Variants in ZNF678 observed in about 807,000 individuals in gnomAD.
ZNF678 encodes the protein hypothetical protein MGC42493.
ZNF678 carries 5 observed loss-of-function variants against 3.0 expected under a neutral mutation model. The ratio of observed to expected loss-of-function variants is 1.69; its 90% CI spans 0.88 to 3.56. ZNF678 has a LOEUF of 3.56. Ranked by LOEUF, ZNF678 falls within the 30% of genes most tolerant of loss-of-function variation. The probability of loss-of-function intolerance (pLI) is 0.00; values close to 1 mark genes in which losing one functional copy is unlikely to be tolerated. For synonymous variants in ZNF678, 218 were observed against 199.6 expected (o/e 1.09, Z -0.78); for missense variants, 593 against 605.0 (o/e 0.98, Z 0.21).
At chr1:227,632,329 C>G (rs1430627642) in intron 1 of ZNF678, among the ~76,000 whole-genome samples, 1 of 151,952 alleles carries the variant, frequency 6.6e-6, no homozygotes, top group Non-Finnish European at 1.5e-5. Context: ...AGGCAGGGGT[C>G]GGAGGAAGTA....
At chr1:227,672,107 A>C (rs780123788) in intron 5 of ZNF678, among the ~76,000 whole-genome samples, 1 of 152,214 alleles carries the variant, frequency 6.6e-6, no homozygotes, top group African/African-American at 2.4e-5. Flanking sequence ...GACATTGGAA[A>C]GGTAGATTGA....
intron 1 of ZNF678, among the ~76,000 whole-genome samples, chr1:227,609,142 A>G (rs866076406): frequency 6.6e-6 from 1 of 152,216 alleles, no homozygotes; most frequent in South Asian, 2.1e-4. Context: ...AACAAACTTT[A>G]TAAGCCATAC....
At chr1:227,568,047 G>T (rs560726551) in intron 1 of ZNF678, among the ~76,000 whole-genome samples, 6 of 152,308 alleles carry the variant, frequency 3.9e-5, no homozygotes, top group African/African-American at 1.4e-4. Context: ...AGGTCAGCCT[G>T]TGTTTAGGAG....
intron 2 of ZNF678, among the ~76,000 whole-genome samples, chr1:227,647,925 C>G (rs1395734487): frequency 6.6e-6 from 1 of 152,070 alleles, no homozygotes; most frequent in Non-Finnish European, 1.5e-5. Context: ...TTCAGAAATC[C>G]CAGGAACACC....
At chr1:227,639,332 ACT>A (rs1274113210) in intron 1 of ZNF678, among the ~76,000 whole-genome samples, 1 of 151,618 alleles carries the variant, frequency 6.6e-6, no homozygotes, top group African/African-American at 2.4e-5. Flanking sequence ...AGCATTTGAA[ACT>A]CTGCCTGTTT....
At chr1:227,650,515 T>A (rs1033895952) in intron 2 of ZNF678, among the ~76,000 whole-genome samples, 1 of 152,188 alleles carries the variant, frequency 6.6e-6, no homozygotes, top group African/African-American at 2.4e-5. Flanking sequence ...TCCATTATTT[T>A]AAAAATGGCC....
chr1:227,598,381 A>T (rs575840610), intron 1 of ZNF678: 2 of 1,405,574 alleles, frequency 1.4e-6, no homozygotes, highest in South Asian at 3.0e-5. Flanking sequence ...ATTTCCTCAG[A>T]CATTGCACTT....
In ZNF678 at chr1:227,656,831, T is replaced by C. The variant is rs1234949234; in HGVS notation, c.*1003T>C. ...TTTCATAAAACAAAATTATTTTTAA[T>C]GTGTTAAGAATATTTTGCATTGAAT... On this transcript the variant is annotated 3_prime_UTR_variant, in exon 4 of 4. Transcript: ENST00000343776. 1 of 152,014 alleles carries C rather than the reference T, an allele frequency of 6.6e-6. No homozygotes were observed. The highest frequency in any genetic ancestry group is 2.4e-5 in the African/African-American group (1 of 41,424). The allele number at this position is 152,014 out of a possible 1,614,324, so 9.4% of individuals were successfully genotyped here. A position where few individuals can be genotyped will look rare whatever the true frequency, so the allele number is the denominator to read the frequency against.
chr1:227,602,294 T>A (rs541263904), intron 1 of ZNF678, among the ~76,000 whole-genome samples: 65 of 152,380 alleles, frequency 4.3e-4, no homozygotes, highest in African/African-American at 1.5e-3. Context: ...AGTTTCAAAT[T>A]ACTTATCAGT....
chr1:227,581,815 C>A lies in ZNF678; in HGVS notation c.-164+18091C>A, dbSNP rs991295977. 2.0e-5 allele frequency among the ~76,000 whole-genome samples: 3 copies of A among 152,164 alleles called. No homozygotes were observed. The South Asian group carries it at 6.2e-4, about 32-fold the overall frequency. ...GATTATAGGTTATGCGTATGTTCAG[C>A]TTTAGTATATACTGCCAAATGGTTT... On this transcript the variant is annotated intron_variant, in intron 1 of 3. Transcript: ENST00000343776.
chr1:227,650,142 T>C (rs1179659778), intron 2 of ZNF678, among the ~76,000 whole-genome samples: 1 of 152,216 alleles, frequency 6.6e-6, no homozygotes, highest in East Asian at 1.9e-4. Context: ...TTTTTAAGGA[T>C]TTCTGCCTGA....
At chr1:227,634,989 C>T (rs925814612) in intron 1 of ZNF678, among the ~76,000 whole-genome samples, 1 of 151,950 alleles carries the variant, frequency 6.6e-6, no homozygotes, top group Non-Finnish European at 1.5e-5. Context: ...GCTTGTGTCA[C>T]CCTTCCTCCA....
intron 1 of ZNF678, among the ~76,000 whole-genome samples, chr1:227,606,671 G>T (rs1413669947): frequency 2.0e-5 from 3 of 152,204 alleles, no homozygotes; most frequent in African/African-American, 7.2e-5. Context: ...GGCTGTCTCA[G>T]TGGCGGGGAA....
intron 1 of ZNF678, among the ~76,000 whole-genome samples, chr1:227,588,139 G>A (rs531571641): frequency 1.3e-5 from 2 of 152,150 alleles, no homozygotes; most frequent in South Asian, 2.1e-4. Flanking sequence ...AACTCCATCC[G>A]TGTCCCTGCA....
chr1:227,642,220 G>A (rs772956972), intron 1 of ZNF678, among the ~76,000 whole-genome samples: 17 of 152,214 alleles, frequency 1.1e-4, no homozygotes, highest in African/African-American at 2.2e-4. Context: ...GACATCTACC[G>A]TGTGAGACAT....
chr1:227,633,658 G>A (rs1009883797), intron 1 of ZNF678, among the ~76,000 whole-genome samples: 9 of 152,186 alleles, frequency 5.9e-5, no homozygotes, highest in African/African-American at 1.4e-4. Flanking sequence ...CACCCACCCA[G>A]GGAGTGAGCA....
chr1:227,601,994 A>G (rs1657750011), intron 1 of ZNF678, among the ~76,000 whole-genome samples: 1 of 152,218 alleles, frequency 6.6e-6, no homozygotes, highest in Non-Finnish European at 1.5e-5. Flanking sequence ...TTCTAGATAT[A>G]GAATCATATC....
intron 1 of ZNF678, among the ~76,000 whole-genome samples, chr1:227,642,686 C>T (rs894056738): frequency 2.0e-5 from 3 of 151,844 alleles, no homozygotes; most frequent in African/African-American, 7.3e-5. Context: ...GAACCCCTCT[C>T]ATCAGCATCC....
chr1:227,676,555 G>A (rs1177688825), intron 5 of ZNF678, among the ~76,000 whole-genome samples: 3 of 151,798 alleles, frequency 2.0e-5, no homozygotes, highest in Non-Finnish European at 4.4e-5. Context: ...AAGTTTTGGG[G>A]TACATGTGCA....
Sources: allele counts gnomAD v4.1 joint callset (sites outside exome capture counted in the v4.1 genomes callset), GRCh38; gene constraint gnomAD v4.1.1; transcripts MANE v1.5; gene names NCBI Gene and HGNC (gene_info 2026-07-23, HGNC 2026-07-21).